The following LRRC4C variants were observed in gnomAD, a reference collection of about 807,000 sequenced individuals.
LRRC4C encodes leucine rich repeat containing 4C.
In LRRC4C, 5 loss-of-function variants were observed where a neutral mutation model predicts 33.6. The ratio of observed to expected loss-of-function variants is 0.15; its 90% CI spans 0.08 to 0.31. The LOEUF is 0.31. Ranked by LOEUF, LRRC4C falls within the 10% of genes least tolerant of loss-of-function variation. The pLI is 1.00. For missense variants in LRRC4C, 560 were observed against 796.7 expected, an observed-to-expected ratio of 0.70 and a Z score of 3.58; for synonymous variants, 329 against 302.0, an observed-to-expected ratio of 1.09 and a Z score of -0.93.
At chr11:40,468,107 G>C (rs978966332) in intron 3 of LRRC4C, among the ~76,000 whole-genome samples, 2 of 152,062 alleles carry the variant, frequency 1.3e-5, no homozygotes, top group Non-Finnish European at 2.9e-5. Context: ...ATTTTTGTAG[G>C]CTTCTTTTCT....
chr11:40,580,168 C>G (rs1229548464), intron 3 of LRRC4C, among the ~76,000 whole-genome samples: 1 of 151,748 alleles, frequency 6.6e-6, no homozygotes, highest in African/African-American at 2.4e-5. Flanking sequence ...TTCCCCGAAA[C>G]TGAATAATGG....
At chr11:40,518,394 G>T (rs538626285) in intron 3 of LRRC4C, among the ~76,000 whole-genome samples, 5 of 152,128 alleles carry the variant, frequency 3.3e-5, no homozygotes, top group Admixed American at 3.3e-4. Context: ...AATCTACAAA[G>T]AAGTTAAACA....
chr11:40,895,810 T>G (rs1312876216), intron 2 of LRRC4C, among the ~76,000 whole-genome samples: 3 of 152,178 alleles, frequency 2.0e-5, no homozygotes, highest in Non-Finnish European at 4.4e-5. Flanking sequence ...AATAATTAGG[T>G]CCAAAGAGTT....
intron 5 of LRRC4C, among the ~76,000 whole-genome samples, chr11:40,230,071 T>A (rs1407172701): frequency 6.6e-6 from 1 of 152,180 alleles, no homozygotes; most frequent in East Asian, 1.9e-4. Flanking sequence ...TGAAAAGGAC[T>A]CTGAGATTCA....
At chr11:40,932,256 A>G (rs1957662004) in intron 2 of LRRC4C, among the ~76,000 whole-genome samples, 1 of 152,154 alleles carries the variant, frequency 6.6e-6, no homozygotes. Context: ...TTATTTAATT[A>G]TTGAGCTCCT....
chr11:40,463,745 TG>T (rs1024109282), intron 3 of LRRC4C, among the ~76,000 whole-genome samples: 2 of 152,090 alleles, frequency 1.3e-5, no homozygotes, highest in African/African-American at 4.8e-5. Context: ...TAGCTTCTTT[TG>T]GGGAATCATA....
intron 5 of LRRC4C, among the ~76,000 whole-genome samples, chr11:40,146,292 A>C (rs1857725250): frequency 6.6e-6 from 1 of 152,192 alleles, no homozygotes; most frequent in African/African-American, 2.4e-5. Flanking sequence ...ATTTGTGCCC[A>C]CAGACACAAA....
intron 3 of LRRC4C, among the ~76,000 whole-genome samples, chr11:40,349,612 C>A (rs563127049): frequency 6.6e-6 from 1 of 151,980 alleles, no homozygotes; most frequent in Non-Finnish European, 1.5e-5. Context: ...CTGGATTATA[C>A]GATAGTTCTA....
chr11:40,884,968 G>A lies in LRRC4C; in HGVS notation c.-407+48667C>T, dbSNP rs143964352. On this transcript the variant is annotated intron_variant, in intron 2 of 6. Transcript: ENST00000528697. ...ACACAAGAGTGGAATAATAGACACT[G>A]GAACTTCAAAAAGGTGGGGGGTGAG... Among the ~76,000 whole-genome samples the A allele has an allele frequency of 4.5e-3, 677 of 152,040 alleles. 3 individuals carry two copies. Among genetic ancestry groups the A allele is most frequent in the Non-Finnish European group, 6.3e-3 (429 of 67,940 alleles).
intron 3 of LRRC4C, among the ~76,000 whole-genome samples, chr11:40,456,722 GAAA>G: frequency 6.6e-6 from 1 of 152,090 alleles, no homozygotes; most frequent in African/African-American, 2.4e-5. Context: ...TTATGTTAAA[GAAA>G]GCTTGGTATT....
intron 1 of LRRC4C, among the ~76,000 whole-genome samples, chr11:41,152,481 T>C (rs1418293878): frequency 6.6e-6 from 1 of 152,152 alleles, no homozygotes; most frequent in African/African-American, 2.4e-5. Flanking sequence ...GATTCAACTA[T>C]TGAATCAGTG....
At chr11:40,165,771 C>T (rs530500479) in intron 5 of LRRC4C, among the ~76,000 whole-genome samples, 15 of 152,236 alleles carry the variant, frequency 9.9e-5, no homozygotes, top group South Asian at 4.1e-4. Context: ...CATGGAGGAA[C>T]CCTGTCTCTA....
At chr11:40,293,515 A>C (rs1434318920) in intron 4 of LRRC4C, 1 of 151,930 alleles carries the variant, frequency 6.6e-6, no homozygotes, top group Non-Finnish European at 1.5e-5. Flanking sequence ...GAGGTGATGG[A>C]AGTTGAGACT....
chr11:40,589,978 G>A (rs967806155), intron 3 of LRRC4C, among the ~76,000 whole-genome samples: 2 of 151,554 alleles, frequency 1.3e-5, no homozygotes, highest in African/African-American at 4.9e-5. Flanking sequence ...TTCTCGAGGA[G>A]TATCTTTGTA....
rs1400195354 is a variant in LRRC4C at position 41,206,687 on chromosome 11, G to A, written c.-496+252744C>T. ...TGAATCCCTTGCTCCAAAGCCTGAG[G>A]ATCTTAGTGTATCAGAGAGAAGACA... On this transcript the variant is annotated intron_variant, in intron 1 of 6. Transcript: ENST00000528697. 2.6e-5 allele frequency among the ~76,000 whole-genome samples: 4 copies of A among 152,296 alleles called. No individual in the cohort carries two copies. The East Asian group carries it at 7.7e-4, about 29-fold the overall frequency.
chr11:40,360,614 T>C (rs567993410), intron 3 of LRRC4C, among the ~76,000 whole-genome samples: 1 of 152,262 alleles, frequency 6.6e-6, no homozygotes, highest in Admixed American at 6.5e-5. Flanking sequence ...TTCTAATCAG[T>C]CTCAGTCACA....
chr11:41,249,390 A>T (rs1278314244), intron 1 of LRRC4C, among the ~76,000 whole-genome samples: 2 of 152,046 alleles, frequency 1.3e-5, no homozygotes, highest in Admixed American at 6.5e-5. Context: ...CATTCTCCTT[A>T]CTTTTACCTA....
intron 1 of LRRC4C, among the ~76,000 whole-genome samples, chr11:41,388,034 G>A (rs2137964087): frequency 6.6e-6 from 1 of 151,870 alleles, no homozygotes; most frequent in South Asian, 2.1e-4. Flanking sequence ...AAAGATATCA[G>A]GTTAAGGAAG....
intron 5 of LRRC4C, among the ~76,000 whole-genome samples, chr11:40,211,272 G>A (rs1017846625): frequency 2.6e-5 from 4 of 152,040 alleles, no homozygotes; most frequent in Non-Finnish European, 5.9e-5. Context: ...ACCCGTGCTT[G>A]GCACATAAGA....
Sources: allele counts gnomAD v4.1 joint callset (sites outside exome capture counted in the v4.1 genomes callset), GRCh38; gene constraint gnomAD v4.1.1; transcripts MANE v1.5; gene names NCBI Gene and HGNC (gene_info 2026-07-23, HGNC 2026-07-21).